PTRH1: variants seen among roughly 807,000 people sequenced by gnomAD.
PTRH1 encodes the protein peptidyl-tRNA hydrolase.
PTRH1 carries 13 observed loss-of-function variants against 15.7 expected under a neutral mutation model. The observed-to-expected ratio is 0.83, with a 90% CI of 0.54 to 1.31. The LOEUF (loss-of-function observed/expected upper bound fraction) is 1.31, where lower values mean the gene tolerates loss of function less well. Ranked by LOEUF, PTRH1 falls within the 40% of genes most tolerant of loss-of-function variation. PTRH1 has a pLI of 0.00. For synonymous variants in PTRH1, 139 were observed against 136.7 expected (o/e 1.02, Z -0.12); for missense variants, 319 against 296.2 (o/e 1.08, Z -0.56).
At chr9:127,703,484 A>C (rs1352945913) in intron 1 of PTRH1, among the ~76,000 whole-genome samples, 1 of 152,092 alleles carries the variant, frequency 6.6e-6, no homozygotes, top group East Asian at 1.9e-4. Context: ...AGAGAGAGGG[A>C]AAGAGAGAGA....
At chr9:127,701,707 G>A (rs952422379) in intron 1 of PTRH1, among the ~76,000 whole-genome samples, 12 of 151,884 alleles carry the variant, frequency 7.9e-5, no homozygotes, top group African/African-American at 2.9e-4. Context: ...AAGGTCAGGA[G>A]TTAAGACCAG....
intron 1 of PTRH1, among the ~76,000 whole-genome samples, chr9:127,698,139 A>G (rs529593920): frequency 5.5e-4 from 83 of 152,282 alleles, no homozygotes; most frequent in South Asian, 1.7e-3. Context: ...GTGTGCCTGT[A>G]GTCCTAACTA....
intron 1 of PTRH1, chr9:127,695,228 A>G: frequency 6.5e-6 from 4 of 618,904 alleles, no homozygotes; most frequent in Non-Finnish European, 8.8e-6. Flanking sequence ...GTATTCACCC[A>G]ATGGTGAGTT....
intron 1 of PTRH1, chr9:127,707,003 G>A (rs1222751622): frequency 1.2e-6 from 2 of 1,610,624 alleles, no homozygotes; most frequent in African/African-American, 2.7e-5. Context: ...GCCTCTTCCT[G>A]GGGCCTGGAG....
At chr9:127,712,971 G>A (rs1468215669), downstream of PTRH1, 50 of 1,601,656 alleles carry the variant, frequency 3.1e-5, no homozygotes, top group Non-Finnish European at 4.3e-5. Flanking sequence ...CCCTGGGCCA[G>A]AAACCTGGCT....
chr9:127,715,506 G>A lies in PTRH1; in HGVS notation c.96+38C>T. ...ACATAATGGCCGAACTGAAGCTAGG[G>A]ACCGGGAGCCCCTACGTCGCCGCCC... On this transcript the variant is annotated intron_variant, in intron 1 of 4. Transcript: ENST00000543175. This position sits in a 1 kb window ranked among gnomAD's most constrained non-coding sequence, Gnocchi z 5.8. 6.2e-7 allele frequency: 1 copy of A among 1,612,704 alleles called. No individual in the cohort carries two copies. The highest frequency in any genetic ancestry group is 8.5e-7 in the Non-Finnish European group (1 of 1,179,788).
At chr9:127,714,942 C>A (rs1285208335) in intron 2 of PTRH1, 33 bp downstream of exon 2, 5 of 235,298 alleles carry the variant, frequency 2.1e-5, no homozygotes, top group South Asian at 1.0e-4. Context: ...ACCCCCTTGG[C>A]CCGCCCGCCC....
chr9:127,715,675 T>A (rs1466808232), upstream of PTRH1: 1 of 1,599,860 alleles, frequency 6.3e-7, no homozygotes, highest in South Asian at 1.1e-5. This position sits in a 1 kb window ranked among gnomAD's most constrained non-coding sequence, Gnocchi z 5.8. Context: ...CCCCCTGACG[T>A]CATCACCCCG....
chr9:127,715,291 G>A lies in PTRH1; in HGVS notation c.97-97C>T, dbSNP rs907921992. 4 of 1,390,056 alleles carry A rather than the reference G, an allele frequency of 2.9e-6. No individual in the cohort carries two copies. The highest frequency in any genetic ancestry group is 1.4e-5 in the African/African-American group (1 of 70,192). The allele number at this position is 1,390,056 out of a possible 1,614,324, so 86.1% of individuals were successfully genotyped here. A position where few individuals can be genotyped will look rare whatever the true frequency, so the allele number is the denominator to read the frequency against. ...CCCAACGCAGAGGAGCGGAAACGCA[G>A]AGCAACGCTGCAGTGGGGAAGGGGC... On this transcript the variant is annotated intron_variant, in intron 1 of 4. Transcript: ENST00000543175. This position sits in a 1 kb window ranked among gnomAD's most constrained non-coding sequence, Gnocchi z 5.8.
chr9:127,715,062 C>T lies in PTRH1; in HGVS notation c.229G>A (p.Ala77Thr), dbSNP rs761795513. 7.9e-6 allele frequency: 12 copies of T among 1,527,644 alleles called. 1 individual carries two copies. The South Asian group carries it at 1.3e-4, about 17-fold the overall frequency. 94.6% of individuals were successfully genotyped at this position (1,527,644 alleles called of 1,614,324 possible). A position where few individuals can be genotyped will look rare whatever the true frequency, so the allele number is the denominator to read the frequency against. ...TRDRHCAADL[A>T]LAPLGDAQLV... The stretch of plus-strand genomic sequence containing the variant: ...TGGGCATCCCCCAGCGGGGCCAGGG[C>T]GAGGTCGGCGGCACAGTGCCGGTCG... The change falls in exon 2 of 5, where the codon GCC (alanine) becomes ACC (threonine). Residue 77 changes from alanine to threonine, a missense_variant. Physicochemically the swap from Ala to Thr is moderately conservative, Grantham distance 58 (BLOSUM62 0). Coordinates refer to ENST00000543175, the MANE Select transcript of PTRH1 (RefSeq NM_001002913.3). The surrounding 1 kb of genome is among the most constrained non-coding windows in gnomAD (Gnocchi z 5.8).
At chr9:127,712,095 G>C, downstream of PTRH1, 1 of 1,524,130 alleles carries the variant, frequency 6.6e-7, no homozygotes, top group African/African-American at 1.4e-5. Flanking sequence ...GGGCGGGATG[G>C]GGGCCCCTGT....
chr9:127,711,197 C>T (rs987328272), downstream of PTRH1: 3 of 1,607,116 alleles, frequency 1.9e-6, no homozygotes, highest in Middle Eastern at 1.7e-4. Context: ...CCCGCTCTGT[C>T]TGACCCCTTC....
chr9:127,694,692 G>A (rs969906809), intron 2 of PTRH1, among the ~76,000 whole-genome samples: 9 of 152,010 alleles, frequency 5.9e-5, no homozygotes, highest in Admixed American at 5.2e-4. Context: ...GCTGAGTCCC[G>A]CAGCCTGGAC....
chr9:127,695,857 T>G (rs1356153698), intron 1 of PTRH1: 1 of 152,192 alleles, frequency 6.6e-6, no homozygotes, highest in Non-Finnish European at 1.5e-5. Flanking sequence ...TGGATACATA[T>G]GTTGTAAATG....
chr9:127,705,034 C>G lies in PTRH1; in HGVS notation c.206-9893G>C, dbSNP rs1842632202. The stretch of plus-strand genomic sequence containing the variant: ...AAGTGCTGGGATTATAGGCATGAAC[C>G]AGTGCACCTGGCCAAGGGCATGTTT... On this transcript the variant is annotated intron_variant, in intron 1 of 2. Transcript: ENST00000335223. This position sits in a 1 kb window ranked among gnomAD's most constrained non-coding sequence, Gnocchi z 4.7. 6.6e-6 allele frequency among the ~76,000 whole-genome samples: 1 copy of G among 152,144 alleles called. No individual in the cohort carries two copies. The highest frequency in any genetic ancestry group is 6.5e-5 in the Admixed American group (1 of 15,270).
Position 127,704,987 on chromosome 9 carries a change from A to T in PTRH1, c.206-9846T>A, listed in dbSNP as rs928482475. 5.3e-5 allele frequency among the ~76,000 whole-genome samples: 8 copies of T among 151,200 alleles called. No homozygotes were observed. In the South Asian group the frequency reaches 6.3e-4, roughly 12 times the overall value. ...GGTCTTTAACTCCTGGCCTTAAGTG[A>T]TCCTCCCACCTTGGCCTCTCAAAGT... On this transcript the variant is annotated intron_variant, in intron 1 of 2. Transcript: ENST00000335223.
At position 127,714,383 on chromosome 9, in the gene PTRH1, G is replaced by A; in HGVS notation, c.458C>T (p.Ser153Phe). 6.2e-7 allele frequency: 1 copy of A among 1,614,242 alleles called. No homozygotes were observed. The highest frequency in any genetic ancestry group is 8.5e-7 in the Non-Finnish European group (1 of 1,180,040). Residue 153 changes from serine to phenylalanine, a missense_variant, in exon 4 of 5, where the codon TCC becomes TTC. Coordinates refer to ENST00000543175, the MANE Select transcript of PTRH1 (RefSeq NM_001002913.3). ...ACAACAAAAGGGTAGACTCACATTG[G>A]AGTTGAGGCAGCTAATGCAGGAACG... is the stretch of plus-strand genomic sequence containing the variant. ...GVRSCISCLN[S>F]NAMPRLRVGI...
At chr9:127,699,826 G>A (rs1231525719) in intron 1 of PTRH1, among the ~76,000 whole-genome samples, 1 of 152,114 alleles carries the variant, frequency 6.6e-6, no homozygotes, top group Non-Finnish European at 1.5e-5. Flanking sequence ...ATGGTCACCA[G>A]ATGGGCTATG....
chr9:127,714,273 T>G lies in PTRH1; in HGVS notation c.472A>C (p.Arg158=). The change falls in exon 5 of 5, where the codon AGG becomes CGG. Residue 158 remains arginine, a synonymous_variant. Coordinates refer to ENST00000543175, the MANE Select transcript of PTRH1 (RefSeq NM_001002913.3). ...GGGCGCCCGATACCCACCCGCAGCC[T>G]TGGCATTGCCTGTGGGAGAGCCAGA... is the stretch of plus-strand genomic sequence containing the variant. ...ISCLNSNAMP[R]LRVGIGRPAH... The G allele has an allele frequency of 6.2e-7, 1 of 1,613,936 alleles. No individual in the cohort carries two copies. The highest frequency in any genetic ancestry group is 1.7e-5 in the Admixed American group (1 of 60,018).
Sources: allele counts gnomAD v4.1 joint callset (sites outside exome capture counted in the v4.1 genomes callset), GRCh38; gene constraint gnomAD v4.1.1; non-coding constraint Gnocchi (gnomAD v3.1); transcripts MANE v1.5; gene names NCBI Gene and HGNC (gene_info 2026-07-23, HGNC 2026-07-21).